Variants in ST3GAL3 observed in about 807,000 individuals in gnomAD.
The protein encoded by ST3GAL3 is CMP-N-acetylneuraminate-beta-1,4-galactoside alpha-2,3-sialyltransferase.
ST3GAL3 carries 21 observed loss-of-function variants against 50.1 expected under a neutral mutation model. That is an observed-to-expected ratio of 0.42 (90% CI 0.30 to 0.60). The LOEUF (loss-of-function observed/expected upper bound fraction) is 0.60, where lower values mean the gene tolerates loss of function less well. Among genes scored for constraint, ST3GAL3 ranks in the 20% least tolerant of loss-of-function variants. The pLI, the probability that ST3GAL3 is intolerant of heterozygous loss-of-function variation, is 0.19. For synonymous variants in ST3GAL3, 183 were observed against 190.0 expected (o/e 0.96, Z 0.30); for missense variants, 353 against 489.4 (o/e 0.72, Z 2.63).
intron 9 of ST3GAL3, chr1:43,912,497 C>T (rs1005654990): frequency 2.0e-5 from 3 of 152,080 alleles, no homozygotes; most frequent in Admixed American, 6.6e-5. Context: ...ATGTCGAGAT[C>T]AGATTTGTGC....
At chr1:43,779,314 C>A (rs1698560416) in intron 2 of ST3GAL3, among the ~76,000 whole-genome samples, 1 of 152,186 alleles carries the variant, frequency 6.6e-6, no homozygotes, top group African/African-American at 2.4e-5. Context: ...GGAACCAGAT[C>A]AACTAGATTT....
intron 4 of ST3GAL3, among the ~76,000 whole-genome samples, chr1:43,825,060 G>T (rs2062609379): frequency 6.6e-6 from 1 of 152,194 alleles, no homozygotes; most frequent in Non-Finnish European, 1.5e-5. Context: ...TCACTACCCA[G>T]AGATTCTGAT....
intron 2 of ST3GAL3, among the ~76,000 whole-genome samples, chr1:43,776,678 T>C (rs958642397): frequency 1.3e-5 from 2 of 152,208 alleles, no homozygotes; most frequent in African/African-American, 4.8e-5. Context: ...TACATCATTT[T>C]ACATTCCCAC....
chr1:43,715,005 G>A (rs1666673184), intron 1 of ST3GAL3, among the ~76,000 whole-genome samples: 1 of 151,964 alleles, frequency 6.6e-6, no homozygotes, highest in South Asian at 2.1e-4. Context: ...CCTCTTCCTT[G>A]ATGTCAGTTT....
chr1:43,930,521 C>G lies in ST3GAL3; in HGVS notation c.*300C>G. On this transcript the variant is annotated 3_prime_UTR_variant, in exon 12 of 12. Transcript: ENST00000347631. ...CAAGGCTGCTGCCGGAATCACTTCT[C>G]CAATCAGTGTTTGGTGTATTATCAT... 1 of 524,522 alleles carries G rather than the reference C, an allele frequency of 1.9e-6. No homozygotes were observed. The highest frequency in any genetic ancestry group is 3.2e-5 in the Admixed American group (1 of 31,552). The allele number at this position is 524,522 out of a possible 1,614,324, so 32.5% of individuals were successfully genotyped here.
intron 1 of ST3GAL3, chr1:43,720,372 A>G (rs1246409719): frequency 6.6e-6 from 1 of 152,244 alleles, no homozygotes; most frequent in African/African-American, 2.4e-5. Context: ...GAATTACCAT[A>G]CAACCAGTAG....
intron 4 of ST3GAL3, among the ~76,000 whole-genome samples, chr1:43,815,297 A>T (rs1280875787): frequency 6.6e-6 from 1 of 152,116 alleles, no homozygotes; most frequent in African/African-American, 2.4e-5. Context: ...GGCACCTGAC[A>T]TGCACAGCCT....
At chr1:43,776,035 G>C (rs775386223) in intron 2 of ST3GAL3, among the ~76,000 whole-genome samples, 1 of 152,098 alleles carries the variant, frequency 6.6e-6, no homozygotes, top group Non-Finnish European at 1.5e-5. Context: ...TAGTTTTCTT[G>C]AAATATAATT....
intron 11 of ST3GAL3, among the ~76,000 whole-genome samples, chr1:43,928,114 C>G (rs2084342644): frequency 6.6e-6 from 1 of 152,192 alleles, no homozygotes; most frequent in Non-Finnish European, 1.5e-5. Flanking sequence ...AGAATAAGGG[C>G]TAGACAGAGC....
chr1:43,927,127 C>T (rs746792910), intron 11 of ST3GAL3, among the ~76,000 whole-genome samples: 34 of 152,234 alleles, frequency 2.2e-4, no homozygotes, highest in South Asian at 4.2e-4. Flanking sequence ...GTCGGGAGTT[C>T]GAGACTAGCC....
In ST3GAL3 at chr1:43,853,542, A is replaced by G. The variant is rs898301051; in HGVS notation, c.302+15231A>G. Among the ~76,000 whole-genome samples, 12 of 152,312 alleles carry G rather than the reference A, an allele frequency of 7.9e-5. No individual in the cohort carries two copies. In the East Asian group the frequency reaches 1.5e-3, roughly 20 times the overall value. ...TAACAACCGCCTTCTACTTCCTCTC[A>G]CAGCTGCTGTTTCATGGGCAGGCTG... On this transcript the variant is annotated intron_variant, in intron 5 of 11. Transcript: ENST00000347631.
chr1:43,873,426 T>C (rs1283191573), intron 5 of ST3GAL3, among the ~76,000 whole-genome samples: 1 of 152,218 alleles, frequency 6.6e-6, no homozygotes, highest in Non-Finnish European at 1.5e-5. Context: ...AGGAGCATTA[T>C]GAACTCAAGT....
intron 2 of ST3GAL3, among the ~76,000 whole-genome samples, chr1:43,765,328 C>A (rs1341536256): frequency 2.0e-5 from 3 of 152,130 alleles, no homozygotes; most frequent in Admixed American, 2.0e-4. Context: ...AGAGACCTCT[C>A]TCTTCAAGCT....
intron 4 of ST3GAL3, among the ~76,000 whole-genome samples, chr1:43,837,798 C>T (rs1201909196): frequency 3.9e-5 from 6 of 152,200 alleles, no homozygotes; most frequent in African/African-American, 1.4e-4. Flanking sequence ...TAATGAAACC[C>T]TGTCTCTTAA....
At chr1:43,807,873 C>T (rs900754191) in intron 3 of ST3GAL3, among the ~76,000 whole-genome samples, 7 of 151,992 alleles carry the variant, frequency 4.6e-5, no homozygotes, top group East Asian at 1.9e-4. Flanking sequence ...TGGTGTTGTT[C>T]GTTAAGGTGG....
At position 43,898,193 on chromosome 1, in the gene ST3GAL3, G is replaced by T. The variant is rs766908328; in HGVS notation, c.398-42G>T. 4 of 1,604,124 alleles carry T rather than the reference G, an allele frequency of 2.5e-6. No individual in the cohort carries two copies. In the South Asian group the frequency reaches 4.4e-5, roughly 18 times the overall value. On this transcript the variant is annotated intron_variant, in intron 6 of 11. Transcript: ENST00000347631. ...TTATCAGTAAACATTTTATAGAAAG[G>T]TAAGTGACCCTGTAACAGAAACCTC...
chr1:43,911,634 T>TATAGATATATCTGTAGCTATAG (rs1557497166), intron 9 of ST3GAL3, among the ~76,000 whole-genome samples: 2,657 of 126,860 alleles, frequency 0.021, 15 homozygotes, highest in South Asian at 0.045. Flanking sequence ...TATAGATATC[T>TATAGATATATCTGTAGCTATAG]ATATCTATAG....
intron 5 of ST3GAL3, among the ~76,000 whole-genome samples, chr1:43,876,469 A>C (rs147318021): frequency 2.0e-5 from 3 of 152,320 alleles, no homozygotes; most frequent in Non-Finnish European, 4.4e-5. Context: ...TGAGGCTCTT[A>C]GCTGTCAGGT....
chr1:43,728,929 G>A (rs567065253), intron 1 of ST3GAL3, among the ~76,000 whole-genome samples: 19 of 151,496 alleles, frequency 1.3e-4, no homozygotes, highest in African/African-American at 4.4e-4. Flanking sequence ...TCTCTTTGTC[G>A]CCCAGGCTGG....
Sources: gnomAD v4.1 joint callset for allele counts (sites outside exome capture counted in the v4.1 genomes callset) on GRCh38, gnomAD v4.1.1 for gene constraint, MANE v1.5 for transcripts, NCBI Gene and HGNC (gene_info 2026-07-23, HGNC 2026-07-21) for gene names.